Variants in CACNA2D1 observed in about 807,000 individuals in gnomAD.
The protein encoded by CACNA2D1 is voltage-dependent calcium channel subunit alpha-2/delta-1.
CACNA2D1 carries 53 observed loss-of-function variants against 171.5 expected under a neutral mutation model. The observed-to-expected ratio is 0.31, with a 90% CI of 0.25 to 0.39. The LOEUF (loss-of-function observed/expected upper bound fraction) is 0.39. Among genes scored for constraint, CACNA2D1 ranks in the 10% least tolerant of loss-of-function variants. CACNA2D1 has a pLI of 1.00. For missense variants in CACNA2D1, 903 were observed against 1,299.8 expected, an observed-to-expected ratio of 0.69 and a Z score of 4.69; for synonymous variants, 442 against 443.1, an observed-to-expected ratio of 1.00 and a Z score of 0.03.
intron 1 of CACNA2D1, among the ~76,000 whole-genome samples, chr7:82,425,882 A>C (rs6979716): frequency 0.59 from 89,191 of 150,128 alleles, 27,054 homozygotes; most frequent in African/African-American, 0.72. Context: ...TAATCCCTGC[A>C]ATTTGGGAGG....
rs1474891251 is a variant in CACNA2D1, at chr7:81,950,364, T to A, written c.*28A>T. 4 of 1,612,834 alleles carry A rather than the reference T, an allele frequency of 2.5e-6. No homozygotes were observed. In the East Asian group the frequency reaches 8.9e-5, roughly 36 times the overall value. On this transcript the variant is annotated 3_prime_UTR_variant, in exon 39 of 39. Coordinates refer to ENST00000356860, the MANE Select transcript of CACNA2D1 (RefSeq NM_000722.4). ...TCATGTTTTGGCAGGGTCTGGAGTT[T>A]AACTATGCAGATTTGGTTTTTAGAA...
At chr7:82,021,673 A>G (rs1801228969) in intron 12 of CACNA2D1, among the ~76,000 whole-genome samples, 1 of 152,060 alleles carries the variant, frequency 6.6e-6, no homozygotes. Flanking sequence ...TTTATATTAG[A>G]GAGGAAGGCT....
intron 3 of CACNA2D1, among the ~76,000 whole-genome samples, chr7:82,226,506 A>G (rs1802380686): frequency 2.6e-5 from 4 of 152,142 alleles, no homozygotes. Flanking sequence ...GCAGGCTCTG[A>G]GATATTTTGC....
intron 15 of CACNA2D1, among the ~76,000 whole-genome samples, chr7:82,011,298 C>G (rs1046001691): frequency 1.3e-5 from 2 of 152,044 alleles, no homozygotes; most frequent in Admixed American, 1.3e-4. Flanking sequence ...CAAAAAATAA[C>G]ATAATGTTTT....
chr7:82,046,530 A>C (rs1804577648), intron 10 of CACNA2D1, among the ~76,000 whole-genome samples: 1 of 152,222 alleles, frequency 6.6e-6, no homozygotes, highest in Admixed American at 6.5e-5. Context: ...AATAAGCATT[A>C]CAGCCAAAAC....
At chr7:82,296,211 T>G (rs1812268539) in intron 3 of CACNA2D1, among the ~76,000 whole-genome samples, 1 of 151,604 alleles carries the variant, frequency 6.6e-6, no homozygotes. Context: ...TATACATATA[T>G]AACTAACCTG....
chr7:82,399,499 C>T (rs1345303106), intron 1 of CACNA2D1, among the ~76,000 whole-genome samples: 14 of 151,470 alleles, frequency 9.2e-5, no homozygotes, highest in African/African-American at 2.4e-5. Context: ...ACTATTTTCA[C>T]AAGATAGTAA....
chr7:82,089,975 CT>C (rs763318376), intron 6 of CACNA2D1, among the ~76,000 whole-genome samples: 7 of 152,104 alleles, frequency 4.6e-5, no homozygotes, highest in Non-Finnish European at 8.8e-5. Context: ...TCAACTACAG[CT>C]TTTGTAACAG....
At chr7:82,156,408 A>G (rs1794375206) in intron 4 of CACNA2D1, among the ~76,000 whole-genome samples, 2 of 152,126 alleles carry the variant, frequency 1.3e-5, no homozygotes, top group Non-Finnish European at 2.9e-5. Flanking sequence ...CAGTTAAACT[A>G]CTGCTATAGA....
In CACNA2D1 at chr7:81,949,075, G is replaced by A. The variant is rs1394200629; in HGVS notation, c.*1317C>T. The A allele has an allele frequency of 1.3e-5, 2 of 152,004 alleles. No individual in the cohort carries two copies. Among genetic ancestry groups the A allele is most frequent in the Admixed American group, 1.3e-4 (2 of 15,228 alleles). The allele number at this position is 152,004 out of a possible 1,614,324, so 9.4% of individuals were successfully genotyped here. A position where few individuals can be genotyped will look rare whatever the true frequency, so the allele number is the denominator to read the frequency against. On this transcript the variant is annotated 3_prime_UTR_variant, in exon 39 of 39. Transcript: ENST00000356860. Reference sequence around the variant, plus strand: ...GCCAAACGATCATACCATTTAAAATGGAAGGGCAAAAGCAGCAGTAGCAGG... The same window carrying A: ...GCCAAACGATCATACCATTTAAAATAGAAGGGCAAAAGCAGCAGTAGCAGG...
intron 1 of CACNA2D1, among the ~76,000 whole-genome samples, chr7:82,358,671 CTGTTTTTTTTTTCTGCTCGTG>C (rs894416356): frequency 8.0e-5 from 12 of 150,568 alleles, no homozygotes; most frequent in African/African-American, 2.9e-4. Context: ...CCTTCATTTT[CTGTTTTTTTTTTCTGCTCGTG>C]TGTGTGTGCG....
intron 38 of CACNA2D1, among the ~76,000 whole-genome samples, chr7:81,954,209 T>G (rs1209710172): frequency 2.0e-5 from 3 of 152,054 alleles, no homozygotes; most frequent in Non-Finnish European, 1.5e-5. Flanking sequence ...ATATAATAAA[T>G]CGGTCTGATT....
Position 81,965,739 on chromosome 7 carries a change from TAC to T in CACNA2D1, c.2503-76_2503-75del. On this transcript the variant is annotated intron_variant, in intron 31 of 38. Coordinates refer to ENST00000356860, the MANE Select transcript of CACNA2D1 (RefSeq NM_000722.4). ...GCTGCATTGTCTTTACCCCATTATA[TAC>T]ATGATTAGAGCAATAAAAATAGAAA... 7 of 851,746 alleles carry T rather than the reference TAC, an allele frequency of 8.2e-6. No individual in the cohort carries two copies. In the South Asian group the frequency reaches 9.2e-5, roughly 11 times the overall value. 52.8% of individuals were successfully genotyped at this position (851,746 alleles called of 1,614,324 possible).
At chr7:82,179,172 C>G (rs1796859289) in intron 3 of CACNA2D1, among the ~76,000 whole-genome samples, 4 of 152,048 alleles carry the variant, frequency 2.6e-5, no homozygotes, top group African/African-American at 9.7e-5. Flanking sequence ...GGCAAGGATA[C>G]ACCCTAATCC....
At chr7:82,214,221 A>G (rs564611171) in intron 3 of CACNA2D1, among the ~76,000 whole-genome samples, 1 of 152,308 alleles carries the variant, frequency 6.6e-6, no homozygotes, top group African/African-American at 2.4e-5. Flanking sequence ...GCAACACTGG[A>G]AAAATTCCTA....
intron 3 of CACNA2D1, among the ~76,000 whole-genome samples, chr7:82,313,621 G>A (rs779162848): frequency 1.3e-5 from 2 of 152,170 alleles, no homozygotes; most frequent in Non-Finnish European, 2.9e-5. Flanking sequence ...CCTCAACATG[G>A]TATAAAAGCA....
chr7:82,312,437 G>C (rs1814583947), intron 3 of CACNA2D1, among the ~76,000 whole-genome samples: 1 of 150,974 alleles, frequency 6.6e-6, no homozygotes, highest in South Asian at 2.1e-4. Flanking sequence ...AACTTTGGGA[G>C]AAACCACTAT....
At chr7:82,156,653 G>C (rs931581884) in intron 4 of CACNA2D1, among the ~76,000 whole-genome samples, 1 of 43,472 alleles carries the variant, frequency 2.3e-5, no homozygotes, top group East Asian at 5.8e-4. Flanking sequence ...CTTTTAATAA[G>C]AGAGATCAAT....
intron 3 of CACNA2D1, among the ~76,000 whole-genome samples, chr7:82,249,229 T>G (rs935017042): frequency 2.0e-5 from 3 of 151,942 alleles, no homozygotes; most frequent in Admixed American, 2.0e-4. Context: ...TAAAAGACAC[T>G]AGGAAATACT....
Sources: gnomAD v4.1 joint callset for allele counts (sites outside exome capture counted in the v4.1 genomes callset) on GRCh38, gnomAD v4.1.1 for gene constraint, MANE v1.5 for transcripts, NCBI Gene and HGNC (gene_info 2026-07-23, HGNC 2026-07-21) for gene names.